Variants in POLR3B observed in about 807,000 individuals in gnomAD.
POLR3B encodes the protein RNA polymerase III subunit B.
Under a neutral mutation model 147.4 loss-of-function variants are expected in POLR3B, and 96 were observed. The observed-to-expected ratio is 0.65, with a 90% CI of 0.55 to 0.77. The LOEUF is 0.77. Among genes scored for constraint, POLR3B ranks in the 30% least tolerant of loss-of-function variants. The probability of loss-of-function intolerance (pLI) is 0.00; values close to 1 mark genes in which losing one functional copy is unlikely to be tolerated. For missense variants in POLR3B, 1,036 were observed against 1,413.5 expected (o/e 0.73, Z 4.28); for synonymous variants, 461 against 485.9 (o/e 0.95, Z 0.67).
intron 23 of POLR3B, among the ~76,000 whole-genome samples, chr12:106,488,216 A>G (rs11113012): frequency 0.25 from 37,546 of 152,086 alleles, 6,014 homozygotes; most frequent in East Asian, 0.69. Context: ...ATGAAGTACA[A>G]CCTTCCTTTG....
intron 1 of POLR3B, among the ~76,000 whole-genome samples, chr12:106,363,154 T>G (rs2036490943): frequency 6.6e-6 from 1 of 152,170 alleles, no homozygotes; most frequent in African/African-American, 2.4e-5. Context: ...CCATAGGTGA[T>G]CTCATCCATC....
At chr12:106,453,029 T>C (rs2037817247) in intron 19 of POLR3B, among the ~76,000 whole-genome samples, 3 of 149,360 alleles carry the variant, frequency 2.0e-5, no homozygotes, top group South Asian at 2.1e-4. Flanking sequence ...TTTTCTTCTT[T>C]TTTTTTTTTT....
chr12:106,410,498 TTCTCTTG>T, intron 11 of POLR3B: 1 of 319,690 alleles, frequency 3.1e-6, no homozygotes, highest in South Asian at 3.2e-5. Flanking sequence ...TTCAGCTGTA[TTCTCTTG>T]GTTAAATTAA....
chr12:106,412,251 A>C (rs888472920), intron 12 of POLR3B, among the ~76,000 whole-genome samples: 4 of 152,144 alleles, frequency 2.6e-5, no homozygotes, highest in African/African-American at 9.7e-5. Context: ...CTTGGCTGAA[A>C]ACCTCTGAAT....
intron 5 of POLR3B, 21 bp downstream of exon 5, chr12:106,369,371 A>G: frequency 7.2e-7 from 1 of 1,379,920 alleles, no homozygotes; most frequent in East Asian, 2.3e-5. Context: ...ACCTTACTTT[A>G]ATTGGACTTG....
chr12:106,358,462 C>T (rs1170449669), intron 1 of POLR3B, among the ~76,000 whole-genome samples: 2 of 152,152 alleles, frequency 1.3e-5, no homozygotes. Flanking sequence ...AAGAATTTGC[C>T]TGTGTGTTTT....
chr12:106,359,060 A>G (rs1443733266), intron 1 of POLR3B, among the ~76,000 whole-genome samples: 1 of 152,156 alleles, frequency 6.6e-6, no homozygotes, highest in Non-Finnish European at 1.5e-5. Context: ...TCTACAAATA[A>G]TACAAAAATT....
chr12:106,458,526 T>G (rs1201428592), intron 21 of POLR3B, among the ~76,000 whole-genome samples: 1 of 152,190 alleles, frequency 6.6e-6, no homozygotes, highest in Non-Finnish European at 1.5e-5. Flanking sequence ...AAATAGAAGG[T>G]AGACCTGGTA....
intron 23 of POLR3B, among the ~76,000 whole-genome samples, chr12:106,477,526 C>T (rs1230471437): frequency 6.6e-6 from 1 of 151,166 alleles, no homozygotes; most frequent in Non-Finnish European, 1.5e-5. Flanking sequence ...ACTCCGTGGG[C>T]GTAGGACCCT....
intron 25 of POLR3B, among the ~76,000 whole-genome samples, chr12:106,497,250 C>A (rs751658493): frequency 2.7e-5 from 4 of 150,922 alleles, no homozygotes; most frequent in Non-Finnish European, 4.4e-5. Context: ...TCGGACACCC[C>A]TGCCTTAAGA....
chr12:106,446,205 G>A (rs992009836), intron 19 of POLR3B: 5 of 455,114 alleles, frequency 1.1e-5, no homozygotes, highest in African/African-American at 1.0e-4. Context: ...GTTTCATGAT[G>A]TGAATCCCAG....
At chr12:106,426,616 C>T (rs1332985657) in intron 12 of POLR3B, among the ~76,000 whole-genome samples, 4 of 151,980 alleles carry the variant, frequency 2.6e-5, no homozygotes. Flanking sequence ...CGCCCGGGTG[C>T]AATTTGTGTT....
intron 9 of POLR3B, among the ~76,000 whole-genome samples, chr12:106,392,068 A>G (rs1042558840): frequency 2.0e-5 from 3 of 152,230 alleles, no homozygotes; most frequent in Non-Finnish European, 2.9e-5. Flanking sequence ...CCCTAGTACC[A>G]TATGGAATCT....
intron 23 of POLR3B, among the ~76,000 whole-genome samples, chr12:106,482,896 A>C (rs1288137162): frequency 6.6e-6 from 1 of 152,192 alleles, no homozygotes; most frequent in East Asian, 1.9e-4. Flanking sequence ...CACTACTCCC[A>C]GAATAAGTGT....
intron 14 of POLR3B, among the ~76,000 whole-genome samples, chr12:106,432,093 G>A (rs1023312396): frequency 1.3e-5 from 2 of 152,132 alleles, no homozygotes; most frequent in African/African-American, 2.4e-5. Flanking sequence ...GAGCATTTCT[G>A]TATCTAAATC....
Position 106,454,546 on chromosome 12 carries a change from T to C in POLR3B, c.2128T>C (p.Tyr710His). 1 of 1,608,082 alleles carries C rather than the reference T, an allele frequency of 6.2e-7. No individual in the cohort carries two copies. Among genetic ancestry groups the C allele is most frequent in the Non-Finnish European group, 8.5e-7 (1 of 1,174,608 alleles). The change falls in exon 20 of 28, where the codon TAT (tyrosine) becomes CAT (histidine). Residue 710 changes from tyrosine (Y) to histidine (H), a missense_variant. This residue lies in a region of POLR3B where 202 missense variants were observed against 272.8 expected (regional missense o/e 0.74). Coordinates refer to ENST00000228347, the MANE Select transcript of POLR3B (RefSeq NM_018082.6). ...GCGAAACAGAATTGATACTCTCATG[T>C]ATCTACTAGCATATCCACAAAAACC... ...NQRNRIDTLM[Y>H]LLAYPQKPMV...
At chr12:106,399,201 C>T (rs1007953371) in intron 10 of POLR3B, among the ~76,000 whole-genome samples, 7 of 151,802 alleles carry the variant, frequency 4.6e-5, no homozygotes, top group South Asian at 2.1e-4. Flanking sequence ...CCTCAGTAGC[C>T]GATGCAACTG....
At chr12:106,433,649 G>A (rs1419217005) in intron 15 of POLR3B, 70 bp from the exon 16 acceptor site, 2 of 1,247,350 alleles carry the variant, frequency 1.6e-6, no homozygotes, top group Non-Finnish European at 2.3e-6. Flanking sequence ...TATTTTTATT[G>A]GTTGGATATA....
At chr12:106,404,922 TA>T (rs1451465926) in intron 10 of POLR3B, among the ~76,000 whole-genome samples, 1 of 152,192 alleles carries the variant, frequency 6.6e-6, no homozygotes, top group African/African-American at 2.4e-5. Context: ...TGTTTTGAGG[TA>T]GGGGTCAAGA....
Sources: allele counts gnomAD v4.1 joint callset (sites outside exome capture counted in the v4.1 genomes callset), GRCh38; gene constraint gnomAD v4.1.1; regional missense constraint gnomAD v4.1.1; transcripts MANE v1.5; gene names NCBI Gene and HGNC (gene_info 2026-07-23, HGNC 2026-07-21).